Variants in MAP4K1 observed in about 807,000 individuals in gnomAD.
The protein encoded by MAP4K1 is mitogen-activated protein kinase kinase kinase kinase 1.
A neutral mutation model predicts 122.8 loss-of-function variants in MAP4K1; 35 were observed. The observed-to-expected ratio is 0.29, with a 90% confidence interval of 0.22 to 0.38. The LOEUF is 0.38. MAP4K1 is among the 10% of genes least tolerant of loss of function. The pLI is 1.00. For missense variants in MAP4K1, 791 were observed against 1,072.6 expected (o/e 0.74, Z 3.67); for synonymous variants, 412 against 421.3 (o/e 0.98, Z 0.27).
intron 26 of MAP4K1, 86 bp downstream of exon 26, chr19:38,596,226 G>A: frequency 6.9e-7 from 1 of 1,458,394 alleles, no homozygotes; most frequent in Non-Finnish European, 9.1e-7. Context: ...GTCCCGTAGT[G>A]CCTCAGGCTA....
intron 30 of MAP4K1, among the ~76,000 whole-genome samples, chr19:38,590,397 ATATAT>A (rs1568618942): frequency 1.1e-3 from 33 of 29,732 alleles, no homozygotes; most frequent in African/African-American, 4.0e-3. Context: ...AAAAAAAAAT[ATATAT>A]ATATATATAT....
intron 21 of MAP4K1, 23 bp downstream of exon 21, chr19:38,600,054 C>T (rs1975014437): frequency 6.2e-7 from 1 of 1,614,052 alleles, no homozygotes; most frequent in Admixed American, 1.7e-5. Context: ...TTGCCCTTGC[C>T]CTGGCCCGGT....
At chr19:38,598,793 C>T (rs1475234405) in intron 22 of MAP4K1, among the ~76,000 whole-genome samples, 1 of 151,972 alleles carries the variant, frequency 6.6e-6, no homozygotes, top group Non-Finnish European at 1.5e-5. Context: ...ACGAGTGGAT[C>T]ACCAGGTCAG....
intron 7 of MAP4K1, 30 bp downstream of exon 7, chr19:38,614,013 C>T (rs756155076): frequency 6.6e-7 from 1 of 1,506,866 alleles, no homozygotes; most frequent in Admixed American, 1.7e-5. Context: ...CCCCAGTCAG[C>T]CCCCCTGCTC....
intron 12 of MAP4K1, 87 bp from the exon 13 acceptor site, chr19:38,609,761 C>A: frequency 7.3e-7 from 1 of 1,361,502 alleles, no homozygotes; most frequent in South Asian, 1.3e-5. Context: ...CTCCTGTAAC[C>A]CTCTGGGCAC....
In MAP4K1 at chr19:38,595,499, G is replaced by T; in HGVS notation, c.2326C>A (p.Leu776Ile). ...GAGGGGCTTACCTGATCCGAGCCTA[G>T]AGCCCACACCTGCACTCCATGCTTC... The part of the protein sequence containing the change: ...FWKHGVQVWA[L>I]GSDQLLQELR... The change falls in exon 29 of 31, where the codon CTA (leucine) becomes ATA (isoleucine). Residue 776 changes from leucine to isoleucine, a missense_variant. Coordinates refer to ENST00000396857, the MANE Select transcript of MAP4K1 (RefSeq NM_001042600.3). The T allele has an allele frequency of 6.2e-7, 1 of 1,614,028 alleles. No homozygotes were observed.
rs1465512058 is a variant in MAP4K1 at position 38,596,426 on chromosome 19, A to G, written c.2002T>C (p.Ser668Pro). ...SVFALLTGPG[S>P]ELPAVCIGVS... is the part of the protein sequence containing the mutation. Reference sequence around the variant, plus strand: ...CCGATGCACACAGCGGGCAGCTCAGAGCCTGGCCCGGTCAGCAGCGCGAAC... The same window carrying G: ...CCGATGCACACAGCGGGCAGCTCAGGGCCTGGCCCGGTCAGCAGCGCGAAC... Residue 668 changes from serine (S) to proline (P), a missense_variant, in exon 26 of 31, where the codon TCT becomes CCT. Coordinates refer to ENST00000396857, the MANE Select transcript of MAP4K1 (RefSeq NM_001042600.3). 6.3e-7 allele frequency: 1 copy of G among 1,592,338 alleles called. No homozygotes were observed. Among genetic ancestry groups the G allele is most frequent in the Admixed American group, 1.7e-5 (1 of 57,654 alleles).
Position 38,617,518 on chromosome 19 carries a change from A to G in MAP4K1, c.157+50T>C. ...ACAGGGGAGGTGATCCCAGTGTCCCAGGAGGCGAAGGTGGGGATGTGGGGA... is the reference window on the plus strand; with the variant it reads ...ACAGGGGAGGTGATCCCAGTGTCCCGGGAGGCGAAGGTGGGGATGTGGGGA... On this transcript the variant is annotated intron_variant, in intron 2 of 30. Transcript: ENST00000396857. This position sits in a 1 kb window ranked among gnomAD's most constrained non-coding sequence, Gnocchi z 4.1. 1 of 1,611,346 alleles carries G rather than the reference A, an allele frequency of 6.2e-7. No homozygotes were observed. The highest frequency in any genetic ancestry group is 8.5e-7 in the Non-Finnish European group (1 of 1,177,564).
intron 27 of MAP4K1, 96 bp from the exon 28 acceptor site, chr19:38,595,825 A>G (rs1001539107): frequency 1.3e-6 from 2 of 1,490,972 alleles, no homozygotes; most frequent in African/African-American, 2.8e-5. Context: ...TATGTAGGAC[A>G]GGGGCAAGGC....
chr19:38,614,068 G>C lies in MAP4K1; in HGVS notation c.435C>G (p.Ile145Met). Residue 145 changes from isoleucine (I) to methionine (M), a missense_variant, in exon 7 of 31, where the codon ATC (isoleucine) becomes ATG (methionine). Ile to Met is a conservative substitution (Grantham distance 10). Transcript: ENST00000396857. ...HRDIKGANIL[I>M]NDAGEVRLAD... is the part of the protein sequence containing the mutation. ...CCAATCTGACCTCCCCAGCATCATT[G>C]ATGAGGATGTTAGCTCCCTGGGAAT... 6.2e-7 allele frequency: 1 copy of C among 1,612,028 alleles called. No homozygotes were observed. The highest frequency in any genetic ancestry group is 8.5e-7 in the Non-Finnish European group (1 of 1,179,790).
Position 38,614,237 on chromosome 19 carries a change from C to T in MAP4K1, c.417+8G>A. The T allele has an allele frequency of 6.2e-7, 1 of 1,614,140 alleles. No individual in the cohort carries two copies. The highest frequency in any genetic ancestry group is 1.1e-5 in the South Asian group (1 of 91,078). ...CCCCCCAACAGCACCCCTACACCCCCAGACCACCTTGATGTCCCTGTGTAT... is the reference window on the plus strand; with the variant it reads ...CCCCCCAACAGCACCCCTACACCCCTAGACCACCTTGATGTCCCTGTGTAT... On this transcript the variant is annotated splice_region_variant and intron_variant, in intron 6 of 30. Transcript: ENST00000396857.
Position 38,590,097 on chromosome 19 carries a change from C to A in MAP4K1, c.2397-2280G>T, listed in dbSNP as rs1201938737. 7.9e-5 allele frequency among the ~76,000 whole-genome samples: 12 copies of A among 151,688 alleles called. No homozygotes were observed. The South Asian group carries it at 2.3e-3, about 29-fold the overall frequency. Reference sequence around the variant, plus strand: ...AGAGAACTGGCTGATTCTACCTTAACCAAATGACCGAAGTTAATATCACCA... The same window carrying A: ...AGAGAACTGGCTGATTCTACCTTAAACAAATGACCGAAGTTAATATCACCA... On this transcript the variant is annotated intron_variant, in intron 30 of 30. Coordinates refer to ENST00000396857, the MANE Select transcript of MAP4K1 (RefSeq NM_001042600.3).
intron 27 of MAP4K1, 80 bp from the exon 28 acceptor site, chr19:38,595,809 G>A (rs1343403946): frequency 2.7e-6 from 4 of 1,491,018 alleles, no homozygotes; most frequent in Non-Finnish European, 3.7e-6. Flanking sequence ...AATTCAGTGT[G>A]AAAGCTATGT....
chr19:38,614,127 C>T, intron 6 of MAP4K1, 42 bp from the exon 7 acceptor site: 1 of 1,612,382 alleles, frequency 6.2e-7, no homozygotes, highest in South Asian at 1.1e-5. Context: ...GAGACTCTCC[C>T]CAGCCCAGTG....
chr19:38,595,518 A>T lies in MAP4K1; in HGVS notation c.2307T>A (p.His769Gln). 1.2e-6 allele frequency: 2 copies of T among 1,614,076 alleles called. No individual in the cohort carries two copies. Among genetic ancestry groups the T allele is most frequent in the Non-Finnish European group, 1.7e-6 (2 of 1,180,016 alleles). Reference sequence around the variant, plus strand: ...AGCCTAGAGCCCACACCTGCACTCCATGCTTCCAGAAGGCCTGAAGCTGAC... The same window carrying T: ...AGCCTAGAGCCCACACCTGCACTCCTTGCTTCCAGAAGGCCTGAAGCTGAC... ...VGGQLQAFWKHGVQVWALGSD... is the reference protein window; with the variant it reads ...VGGQLQAFWKQGVQVWALGSD... The change falls in exon 29 of 31, where the codon CAT becomes CAA. Residue 769 changes from histidine to glutamine, a missense_variant. Physicochemically the swap from His to Gln is conservative, Grantham distance 24 (BLOSUM62 0). This residue lies in a region of MAP4K1 where 267 missense variants were observed against 323.0 expected (regional missense o/e 0.83). Transcript: ENST00000396857.
At chr19:38,616,888 G>C in intron 3 of MAP4K1, among the ~76,000 whole-genome samples, 1 of 152,108 alleles carries the variant, frequency 6.6e-6, no homozygotes, top group East Asian at 1.9e-4. Context: ...GGTTAGCCCA[G>C]TCAAAAATGG....
rs1426203461 is a variant in MAP4K1, at chr19:38,596,379, CCCCGGCCGCCCGGGG to C, written c.2034_2048del (p.Ser678_Gly683delinsArg). 1.3e-6 allele frequency: 2 copies of C among 1,598,866 alleles called. No individual in the cohort carries two copies. Among genetic ancestry groups the C allele is most frequent in the African/African-American group, 2.7e-5 (2 of 74,786 alleles). Reference sequence around the variant, plus strand: ...GCACCGTGTGGAAGAGCACCGACTTCCCCGGCCGCCCGGGGCTCACGCCGATGCACACAGCGGGCA... The same window carrying C: ...GCACCGTGTGGAAGAGCACCGACTTCCTCACGCCGATGCACACAGCGGGCA... On this transcript the variant is annotated inframe_deletion, in exon 26 of 31. Transcript: ENST00000396857.
chr19:38,596,922 G>A (rs1374741797), intron 25 of MAP4K1, 112 bp downstream of exon 25: 14 of 1,006,106 alleles, frequency 1.4e-5, no homozygotes, highest in African/African-American at 1.1e-4. Context: ...GGAGATTGGG[G>A]CGGGGCCTCG....
intron 30 of MAP4K1, among the ~76,000 whole-genome samples, chr19:38,590,755 G>A (rs565645521): frequency 6.6e-5 from 10 of 151,876 alleles, no homozygotes; most frequent in East Asian, 1.9e-4. Context: ...GATGACAGGC[G>A]TGAGCCACCA....
Sources: allele counts gnomAD v4.1 joint callset (sites outside exome capture counted in the v4.1 genomes callset), GRCh38; gene constraint gnomAD v4.1.1; regional missense constraint gnomAD v4.1.1; non-coding constraint Gnocchi (gnomAD v3.1); transcripts MANE v1.5; gene names NCBI Gene and HGNC (gene_info 2026-07-23, HGNC 2026-07-21).